The following DCDC2B variants were observed in gnomAD, a reference collection of about 807,000 sequenced individuals.
DCDC2B encodes the protein doublecortin domain-containing protein 2B.
A neutral mutation model predicts 38.9 loss-of-function variants in DCDC2B; 41 were observed. The ratio of observed to expected loss-of-function variants is 1.05; its 90% CI spans 0.82 to 1.37. The LOEUF is 1.37. DCDC2B is among the 40% of genes most tolerant of loss of function. The pLI is 0.00. For missense variants in DCDC2B, 453 were observed against 427.2 expected, an observed-to-expected ratio of 1.06 and a Z score of -0.53; for synonymous variants, 181 against 171.9, an observed-to-expected ratio of 1.05 and a Z score of -0.41.
chr1:32,212,299 T>G (rs943510984), intron 4 of DCDC2B, 98 bp downstream of exon 4: 7 of 1,563,832 alleles, frequency 4.5e-6, no homozygotes, highest in African/African-American at 2.7e-5. Context: ...GGAAAGCATG[T>G]TCCCCCACAT....
At chr1:32,215,128 G>C in intron 7 of DCDC2B, 196 bp downstream of exon 7, 1 of 736,732 alleles carries the variant, frequency 1.4e-6, no homozygotes, top group East Asian at 2.8e-5. Flanking sequence ...AAAAAAGCTG[G>C]TACTGACCTC....
chr1:32,210,644 T>A, intron 1 of DCDC2B, among the ~76,000 whole-genome samples: 1 of 152,154 alleles, frequency 6.6e-6, no homozygotes, highest in East Asian at 1.9e-4. Context: ...TAAAACGACC[T>A]ATCTCATGAA....
rs766240063 is a variant in DCDC2B, at chr1:32,211,811, G to A, written c.369G>A (p.Leu123=). ...GTGATGGGGCCATTGGACGGCAGCTGCCTGCAGGTGCTCCCAGCTATATCC... is the reference window on the plus strand; with the variant it reads ...GTGATGGGGCCATTGGACGGCAGCTACCTGCAGGTGCTCCCAGCTATATCC... ...HLCDGAIGRQ[L]PAGAPSYIHV... The change falls in exon 3 of 9, where the codon CTG becomes CTA. Residue 123 remains leucine (L), a synonymous_variant. Transcript: ENST00000409358. 1 of 1,610,474 alleles carries A rather than the reference G, an allele frequency of 6.2e-7. No homozygotes were observed. Among genetic ancestry groups the A allele is most frequent in the Admixed American group, 1.7e-5 (1 of 59,492 alleles).
At chr1:32,214,483 G>A in intron 6 of DCDC2B, 1 of 335,190 alleles carries the variant, frequency 3.0e-6, no homozygotes, top group Non-Finnish European at 5.6e-6. Context: ...AGGGTCCAAG[G>A]GAACTTATAT....
chr1:32,211,933 T>C (rs558957404), intron 3 of DCDC2B, 96 bp downstream of exon 3: 5 of 1,541,630 alleles, frequency 3.2e-6, no homozygotes, highest in African/African-American at 1.4e-5. Context: ...CTGGTTACTG[T>C]TGGGAATGTA....
At chr1:32,211,926 G>C (rs775789565) in intron 3 of DCDC2B, 89 bp downstream of exon 3, 3 of 1,542,820 alleles carry the variant, frequency 1.9e-6, no homozygotes, top group African/African-American at 2.7e-5. Flanking sequence ...GGAGCCTCTG[G>C]TTACTGTTGG....
intron 2 of DCDC2B, 118 bp downstream of exon 2, chr1:32,211,441 CT>C: frequency 9.9e-7 from 1 of 1,011,200 alleles, no homozygotes. Context: ...CAGGGGGGTA[CT>C]TTGGAGCCAG....
At chr1:32,214,700 C>T (rs563452007) in intron 6 of DCDC2B, 97 bp from the exon 7 acceptor site, 2 of 1,529,688 alleles carry the variant, frequency 1.3e-6, no homozygotes, top group African/African-American at 2.8e-5. Context: ...CTGCCATGTT[C>T]CTGCAGGCGT....
At chr1:32,213,790 G>A (rs1446372490) in intron 6 of DCDC2B, among the ~76,000 whole-genome samples, 5 of 151,820 alleles carry the variant, frequency 3.3e-5, no homozygotes, top group Admixed American at 2.0e-4. Flanking sequence ...GATTACAGGC[G>A]TGAGCCACCG....
At chr1:32,211,692 C>T in intron 2 of DCDC2B, 69 bp from the exon 3 acceptor site, 2 of 1,518,552 alleles carry the variant, frequency 1.3e-6, no homozygotes, top group East Asian at 2.4e-5. Context: ...TCACTCCACA[C>T]CTTGGATGGG....
intron 6 of DCDC2B, 189 bp from the exon 7 acceptor site, chr1:32,214,608 C>T: frequency 2.7e-6 from 2 of 733,154 alleles, no homozygotes; most frequent in Middle Eastern, 3.2e-4. Context: ...GCATCTACTG[C>T]TCTGTCCCTG....
At chr1:32,212,452 G>T in intron 4 of DCDC2B, 38 bp from the exon 5 acceptor site, 1 of 1,607,162 alleles carries the variant, frequency 6.2e-7, no homozygotes, top group Non-Finnish European at 8.5e-7. Flanking sequence ...GAAGCATCGA[G>T]TCTACCAGCC....
intron 6 of DCDC2B, among the ~76,000 whole-genome samples, chr1:32,213,148 A>G (rs1643657478): frequency 6.6e-6 from 1 of 152,062 alleles, no homozygotes; most frequent in African/African-American, 2.4e-5. Context: ...TGCCCGCCTC[A>G]GCCTCCCAAA....
At chr1:32,214,968 G>T in intron 7 of DCDC2B, 36 bp downstream of exon 7, 1 of 1,612,410 alleles carries the variant, frequency 6.2e-7, no homozygotes, top group Non-Finnish European at 8.5e-7. Flanking sequence ...CTTCTCAGCT[G>T]CCCTTTGACA....
intron 7 of DCDC2B, chr1:32,215,141 C>CA: frequency 2.9e-6 from 2 of 684,130 alleles, no homozygotes; most frequent in Non-Finnish European, 4.7e-6. Context: ...CTGACCTCAT[C>CA]ATAACTGTCT....
chr1:32,213,192 G>A (rs943217466), intron 6 of DCDC2B, among the ~76,000 whole-genome samples: 5 of 148,932 alleles, frequency 3.4e-5, no homozygotes, highest in South Asian at 2.2e-4. Context: ...CACCGTGCCC[G>A]GCCTCCTTTT....
Position 32,209,429 on chromosome 1 carries a change from A to G in DCDC2B, c.266+70A>G, listed in dbSNP as rs545194543. 11 of 1,564,888 alleles carry G rather than the reference A, an allele frequency of 7.0e-6. No homozygotes were observed. In the African/African-American group the frequency reaches 8.1e-5, roughly 11 times the overall value. On this transcript the variant is annotated intron_variant, in intron 1 of 8. Transcript: ENST00000409358. ...CGGCAAGAGCGTGTATTCAGTACCT[A>G]CCATGTATGTACCAGCATGTTACTG...
chr1:32,216,057 A>G lies in DCDC2B; in HGVS notation c.*160A>G. 1 of 730,176 alleles carries G rather than the reference A, an allele frequency of 1.4e-6. No homozygotes were observed. Among genetic ancestry groups the G allele is most frequent in the Non-Finnish European group, 2.3e-6 (1 of 440,008 alleles). The allele number at this position is 730,176 out of a possible 1,614,324, so 45.2% of individuals were successfully genotyped here. A position where few individuals can be genotyped will look rare whatever the true frequency, so the allele number is the denominator to read the frequency against. ...CCCGTTCTCCTGCTCCTAAACCCAC[A>G]GCCCAGCCTTCCCTTCCTCTGAGCA... On this transcript the variant is annotated 3_prime_UTR_variant, in exon 9 of 9. Transcript: ENST00000409358.
At chr1:32,213,290 C>T (rs570035430) in intron 6 of DCDC2B, among the ~76,000 whole-genome samples, 12 of 152,088 alleles carry the variant, frequency 7.9e-5, no homozygotes, top group Admixed American at 3.3e-4. Context: ...CCTTGGCCTC[C>T]CAAAGTGCTG....
Sources: gnomAD v4.1 joint callset for allele counts (sites outside exome capture counted in the v4.1 genomes callset) on GRCh38, gnomAD v4.1.1 for gene constraint, MANE v1.5 for transcripts, NCBI Gene and HGNC (gene_info 2026-07-23, HGNC 2026-07-21) for gene names.